Variants in CAMK1D observed in about 807,000 individuals in gnomAD.
The protein encoded by CAMK1D is calcium/calmodulin dependent protein kinase ID.
Under a neutral mutation model 47.7 loss-of-function variants are expected in CAMK1D, and 9 were observed. The observed-to-expected ratio is 0.19, with a 90% confidence interval of 0.11 to 0.33. The LOEUF (loss-of-function observed/expected upper bound fraction) is 0.33. Among genes scored for constraint, CAMK1D ranks in the 10% least tolerant of loss-of-function variants. The pLI, the probability that CAMK1D is intolerant of heterozygous loss-of-function variation, is 1.00. For synonymous variants in CAMK1D, 184 were observed against 184.9 expected (o/e 0.99, Z 0.04); for missense variants, 291 against 488.7 (o/e 0.60, Z 3.81).
Position 12,448,989 on chromosome 10 carries a change from G to T in CAMK1D, c.92+99079G>T, listed in dbSNP as rs557544538. On this transcript the variant is annotated intron_variant, in intron 1 of 10. Coordinates refer to ENST00000619168, the MANE Select transcript of CAMK1D (RefSeq NM_153498.4). ...GTTGTGATTTACTGAGATCATTCTT[G>T]TAAACACTTAGAATAGTTCCTGGTA... 3.3e-5 allele frequency among the ~76,000 whole-genome samples: 5 copies of T among 152,236 alleles called. No individual in the cohort carries two copies. In the South Asian group the frequency reaches 1.0e-3, roughly 32 times the overall value.
At chr10:12,418,121 C>T (rs1839917607) in intron 1 of CAMK1D, among the ~76,000 whole-genome samples, 1 of 152,170 alleles carries the variant, frequency 6.6e-6, no homozygotes, top group Non-Finnish European at 1.5e-5. Context: ...TTAAAAGAAG[C>T]CCTCGCCCTG....
chr10:12,824,224 C>T (rs1238087331), intron 8 of CAMK1D, among the ~76,000 whole-genome samples: 1 of 151,816 alleles, frequency 6.6e-6, no homozygotes, highest in Non-Finnish European at 1.5e-5. Flanking sequence ...AGGGCGCTGG[C>T]GGGTCTGGGG....
chr10:12,621,960 C>T (rs925472876), intron 2 of CAMK1D, among the ~76,000 whole-genome samples: 2 of 152,152 alleles, frequency 1.3e-5, no homozygotes, highest in African/African-American at 4.8e-5. Context: ...ACCCAGGTTT[C>T]CCACTAGGCT....
At chr10:12,705,447 C>T (rs762458197) in intron 3 of CAMK1D, among the ~76,000 whole-genome samples, 2 of 151,752 alleles carry the variant, frequency 1.3e-5, no homozygotes, top group South Asian at 2.1e-4. Flanking sequence ...GGTGACAAAG[C>T]GAGACTCCAG....
intron 3 of CAMK1D, among the ~76,000 whole-genome samples, chr10:12,733,948 G>C (rs75194747): frequency 0.018 from 2,732 of 152,156 alleles, 100 homozygotes; most frequent in African/African-American, 0.063. Context: ...CACATCATAA[G>C]TGTCTCCAAG....
intron 3 of CAMK1D, among the ~76,000 whole-genome samples, chr10:12,738,385 C>T (rs768533384): frequency 7.2e-5 from 11 of 152,174 alleles, no homozygotes; most frequent in Non-Finnish European, 1.0e-4. Flanking sequence ...GTGAAGGACA[C>T]GTGAGCTCTT....
chr10:12,778,739 G>T (rs1837370914), intron 5 of CAMK1D, among the ~76,000 whole-genome samples: 1 of 152,092 alleles, frequency 6.6e-6, no homozygotes, highest in Non-Finnish European at 1.5e-5. Flanking sequence ...TGGGTGTGGT[G>T]GCACACACCT....
chr10:12,547,952 C>T (rs148514262), intron 1 of CAMK1D, among the ~76,000 whole-genome samples: 475 of 152,294 alleles, frequency 3.1e-3, no homozygotes, highest in Admixed American at 5.4e-3. Context: ...TGTGCGGGCT[C>T]GGAGCGATGG....
intron 1 of CAMK1D, among the ~76,000 whole-genome samples, chr10:12,457,236 C>T (rs1033352740): frequency 5.3e-5 from 8 of 151,918 alleles, no homozygotes; most frequent in Non-Finnish European, 8.8e-5. Context: ...ACTAATAACA[C>T]AAAAATTAGC....
intron 1 of CAMK1D, among the ~76,000 whole-genome samples, chr10:12,537,445 ATGT>A (rs1490119657): frequency 1.3e-5 from 2 of 152,194 alleles, no homozygotes; most frequent in African/African-American, 4.8e-5. Flanking sequence ...GTTTCCCAAA[ATGT>A]TGTAGCAATT....
At chr10:12,684,231 G>C (rs1832563652) in intron 3 of CAMK1D, among the ~76,000 whole-genome samples, 1 of 152,078 alleles carries the variant, frequency 6.6e-6, no homozygotes, top group Non-Finnish European at 1.5e-5. Flanking sequence ...ATTCTTCCTG[G>C]AACAGAGGAG....
At chr10:12,592,453 CTG>C (rs948092658) in intron 2 of CAMK1D, among the ~76,000 whole-genome samples, 1 of 152,130 alleles carries the variant, frequency 6.6e-6, no homozygotes, top group Non-Finnish European at 1.5e-5. Flanking sequence ...GTTTTAGAGA[CTG>C]TTTTATGTGT....
chr10:12,774,273 G>A (rs1393551599), intron 5 of CAMK1D, among the ~76,000 whole-genome samples: 1 of 148,170 alleles, frequency 6.7e-6, no homozygotes, highest in Admixed American at 6.8e-5. Flanking sequence ...TCAGAGGGTG[G>A]TGGCAATTTT....
chr10:12,629,911 A>G (rs952621649), intron 2 of CAMK1D, among the ~76,000 whole-genome samples: 1 of 152,248 alleles, frequency 6.6e-6, no homozygotes, highest in Non-Finnish European at 1.5e-5. Flanking sequence ...AAGAGGGGAC[A>G]GTGATGAGTT....
intron 2 of CAMK1D, among the ~76,000 whole-genome samples, chr10:12,564,147 GTCTCTCTCTCTCTC>G (rs56063700): frequency 4.4e-4 from 62 of 139,722 alleles, no homozygotes; most frequent in African/African-American, 1.0e-3. Flanking sequence ...CTCTCTCTCT[GTCTCTCTCTCTCTC>G]TCTCTCTCTC....
intron 2 of CAMK1D, among the ~76,000 whole-genome samples, chr10:12,651,634 T>C (rs569829697): frequency 7.3e-4 from 111 of 152,208 alleles, no homozygotes; most frequent in Non-Finnish European, 1.5e-4. Context: ...ACTCCTGGGT[T>C]CAAGTGATCC....
At chr10:12,730,523 C>A (rs1442723606) in intron 3 of CAMK1D, among the ~76,000 whole-genome samples, 1 of 152,028 alleles carries the variant, frequency 6.6e-6, no homozygotes, top group Non-Finnish European at 1.5e-5. Context: ...TGGAGGGGAC[C>A]ATTGGTGTAT....
chr10:12,808,784 A>G (rs1471978100), intron 6 of CAMK1D, among the ~76,000 whole-genome samples: 1 of 152,086 alleles, frequency 6.6e-6, no homozygotes, highest in Non-Finnish European at 1.5e-5. Flanking sequence ...TTCTCAAAAA[A>G]CAAACAAATA....
intron 2 of CAMK1D, among the ~76,000 whole-genome samples, chr10:12,650,299 G>A (rs150143215): frequency 2.9e-3 from 443 of 152,366 alleles, no homozygotes; most frequent in African/African-American, 0.01. Context: ...AGCCCGACCA[G>A]CGTGCCAGGG....
Sources: gnomAD v4.1 joint callset for allele counts (sites outside exome capture counted in the v4.1 genomes callset) on GRCh38, gnomAD v4.1.1 for gene constraint, MANE v1.5 for transcripts, NCBI Gene and HGNC (gene_info 2026-07-23, HGNC 2026-07-21) for gene names.